The following ABTB3 variants were observed in gnomAD, a reference collection of about 807,000 sequenced individuals.
The protein encoded by ABTB3 is ankyrin repeat and BTB domain containing 3.
the ABTB3 span, among the ~76,000 whole-genome samples, chr12:107,525,324 C>CAAAAAAAAAAAAAAAAAAA: frequency 1.1e-3 from 37 of 34,888 alleles, no homozygotes; most frequent in Non-Finnish European, 1.3e-3. Flanking sequence ...AAGATCCTGT[C>CAAAAAAAAAAAAAAAAAAA]AAAAAAAAAA....
At chr12:107,484,098 G>A in the ABTB3 span, among the ~76,000 whole-genome samples, 1 of 152,300 alleles carries the variant, frequency 6.6e-6, no homozygotes, top group East Asian at 1.9e-4. Context: ...TGCCATCCTA[G>A]GTGCTAGGGA....
chr12:107,654,286 T>G, the ABTB3 span, among the ~76,000 whole-genome samples: 5 of 151,658 alleles, frequency 3.3e-5, no homozygotes, highest in East Asian at 1.9e-4. Context: ...CCCTGTTTTT[T>G]GGGGTTTTCT....
chr12:107,617,569 G>T, the ABTB3 span: 10 of 1,244,900 alleles, frequency 8.0e-6, no homozygotes, highest in Admixed American at 2.2e-4. Context: ...CCAGGCCCCA[G>T]GTCTGGCCAG....
the ABTB3 span, among the ~76,000 whole-genome samples, chr12:107,377,613 T>A: frequency 6.6e-6 from 1 of 152,178 alleles, no homozygotes; most frequent in Non-Finnish European, 1.5e-5. Flanking sequence ...TAGCTCCTCA[T>A]TGTGGTTCTG....
chr12:107,542,567 A>G, the ABTB3 span, among the ~76,000 whole-genome samples: 8 of 152,184 alleles, frequency 5.3e-5, no homozygotes, highest in Admixed American at 2.0e-4. Flanking sequence ...GAATTCAGCT[A>G]GAAATTAATT....
the ABTB3 span, among the ~76,000 whole-genome samples, chr12:107,528,750 G>A: frequency 6.6e-6 from 1 of 152,210 alleles, no homozygotes; most frequent in East Asian, 1.9e-4. Context: ...CTAGGCTGCT[G>A]CTGTTGCTAC....
chr12:107,572,235 A>C, the ABTB3 span, among the ~76,000 whole-genome samples: 1 of 152,064 alleles, frequency 6.6e-6, no homozygotes, highest in Admixed American at 6.5e-5. Context: ...CCACAAGCCA[A>C]GGAATGCTAG....
At chr12:107,333,766 T>C in the ABTB3 span, among the ~76,000 whole-genome samples, 2 of 152,178 alleles carry the variant, frequency 1.3e-5, no homozygotes, top group African/African-American at 4.8e-5. Flanking sequence ...GAACTTACAT[T>C]CTAGTGGGAG....
chr12:107,421,755 G>A, the ABTB3 span, among the ~76,000 whole-genome samples: 26 of 152,328 alleles, frequency 1.7e-4, no homozygotes, highest in Non-Finnish European at 3.5e-4. Flanking sequence ...CTAGAGGTGA[G>A]CTGATCTTTG....
chr12:107,418,599 A>G, the ABTB3 span, among the ~76,000 whole-genome samples: 1 of 152,178 alleles, frequency 6.6e-6, no homozygotes, highest in Non-Finnish European at 1.5e-5. Flanking sequence ...GGTGTTCCAC[A>G]GAGGACAGGG....
the ABTB3 span, among the ~76,000 whole-genome samples, chr12:107,648,734 T>C: frequency 1.3e-5 from 2 of 152,100 alleles, no homozygotes; most frequent in African/African-American, 4.8e-5. Context: ...CCTCTGGGAC[T>C]TCAACAGGAG....
chr12:107,465,719 C>T, the ABTB3 span, among the ~76,000 whole-genome samples: 1 of 152,154 alleles, frequency 6.6e-6, no homozygotes, highest in Non-Finnish European at 1.5e-5. Context: ...TCCAGCCTTG[C>T]CCACCTGACC....
the ABTB3 span, chr12:107,581,321 G>A: frequency 3.0e-6 from 4 of 1,315,602 alleles, no homozygotes; most frequent in Non-Finnish European, 3.9e-6. Flanking sequence ...GCGGGGGCGG[G>A]CGGGGGGCGG....
the ABTB3 span, among the ~76,000 whole-genome samples, chr12:107,352,989 A>G: frequency 1.3e-5 from 2 of 152,166 alleles, no homozygotes; most frequent in African/African-American, 4.8e-5. Flanking sequence ...CCCCTGGGCT[A>G]CCAAAAGAGC....
chr12:107,382,456 GT>G, the ABTB3 span, among the ~76,000 whole-genome samples: 1 of 152,112 alleles, frequency 6.6e-6, no homozygotes, highest in Admixed American at 6.5e-5. Context: ...TTTGCTCTCT[GT>G]TTGTCTATTA....
the ABTB3 span, among the ~76,000 whole-genome samples, chr12:107,491,880 G>A: frequency 6.6e-6 from 1 of 151,936 alleles, no homozygotes; most frequent in Non-Finnish European, 1.5e-5. Flanking sequence ...TGGGATCCAG[G>A]AAGTTTGAGG....
At chr12:107,474,705 C>T in the ABTB3 span, among the ~76,000 whole-genome samples, 1 of 152,146 alleles carries the variant, frequency 6.6e-6, no homozygotes, top group African/African-American at 2.4e-5. Context: ...TGAGAGAGAA[C>T]AATAGGAAAA....
the ABTB3 span, among the ~76,000 whole-genome samples, chr12:107,531,007 C>T: frequency 3.3e-5 from 5 of 152,204 alleles, no homozygotes; most frequent in Non-Finnish European, 5.9e-5. Context: ...GAATGAAGAG[C>T]GCAGACCTTA....
At chr12:107,539,830 G>T in the ABTB3 span, among the ~76,000 whole-genome samples, 4 of 152,216 alleles carry the variant, frequency 2.6e-5, no homozygotes, top group African/African-American at 9.6e-5. Flanking sequence ...GTTTACACAG[G>T]CTGGAGCTGA....
Sources: gnomAD v4.1 joint callset for allele counts (sites outside exome capture counted in the v4.1 genomes callset) on GRCh38, gnomAD v4.1.1 for gene constraint, MANE v1.5 for transcripts, NCBI Gene and HGNC (gene_info 2026-07-23, HGNC 2026-07-21) for gene names.